Variants in UTRN observed in about 807,000 individuals in gnomAD.
UTRN encodes the protein dystrophin-related protein 1.
In UTRN, 283 loss-of-function variants were observed where a neutral mutation model predicts 463.9. The observed-to-expected ratio is 0.61, with a 90% CI of 0.55 to 0.67. The LOEUF (loss-of-function observed/expected upper bound fraction) is 0.67. Among genes scored for constraint, UTRN ranks in the 30% least tolerant of loss-of-function variants. UTRN has a pLI of 0.00. For synonymous variants in UTRN, 1,442 were observed against 1,431.5 expected (o/e 1.01, Z -0.17); for missense variants, 3,922 against 4,084.3 (o/e 0.96, Z 1.08).
chr6:144,774,974 T>C (rs999441064), intron 60 of UTRN, among the ~76,000 whole-genome samples: 1 of 152,236 alleles, frequency 6.6e-6, no homozygotes, highest in Non-Finnish European at 1.5e-5. Flanking sequence ...ATACTTAGCA[T>C]ATAGATTTAT....
Position 144,448,706 on chromosome 6 carries a change from A to G in UTRN, c.2009A>G (p.Glu670Gly). 6.2e-7 allele frequency: 1 copy of G among 1,614,074 alleles called. No individual in the cohort carries two copies. Among genetic ancestry groups the G allele is most frequent in the Non-Finnish European group, 8.5e-7 (1 of 1,179,980 alleles). ...GCAATTACAAAAAAATCTAAGCAGG[A>G]ACTGCCTCCTCCTCCTCCCCCAAAG... ...EQAITKKSKQ[E>G]LPPPPPPKKR... The change falls in exon 17 of 75, where the codon GAA becomes GGA. Residue 670 changes from glutamate to glycine, a missense_variant. Around this residue, in one of 3 missense-constraint regions of UTRN, gnomAD observed 2,349 missense variants for 2,303.8 expected, o/e 1.02. Coordinates refer to ENST00000367545, the MANE Select transcript of UTRN (RefSeq NM_007124.3).
intron 58 of UTRN, 83 bp downstream of exon 58, chr6:144,758,072 T>A: frequency 8.2e-7 from 1 of 1,223,728 alleles, no homozygotes; most frequent in Non-Finnish European, 1.2e-6. Flanking sequence ...CCCCATAACT[T>A]TTAAAAATAG....
chr6:144,310,483 C>A lies in UTRN; in HGVS notation c.79+18576C>A, dbSNP rs868272392. Reference sequence around the variant, plus strand: ...CCTGGGAGGCGGAGGTTGCAGTGAGCTGAGATGAGCCATTGCACTCCAGCC... The same window carrying A: ...CCTGGGAGGCGGAGGTTGCAGTGAGATGAGATGAGCCATTGCACTCCAGCC... On this transcript the variant is annotated intron_variant, in intron 2 of 74. Coordinates refer to ENST00000367545, the MANE Select transcript of UTRN (RefSeq NM_007124.3). Among the ~76,000 whole-genome samples the A allele has an allele frequency of 2.0e-5, 3 of 149,232 alleles. No individual in the cohort carries two copies. In the Middle Eastern group the frequency reaches 0.011, roughly 525 times the overall value.
chr6:144,333,026 C>T (rs556477828), intron 2 of UTRN, among the ~76,000 whole-genome samples: 7 of 151,918 alleles, frequency 4.6e-5, no homozygotes, highest in Admixed American at 2.6e-4. Flanking sequence ...CTCCACTTCC[C>T]GGATTCCAGC....
intron 56 of UTRN, 134 bp from the exon 57 acceptor site, chr6:144,754,586 T>G: frequency 2.2e-6 from 1 of 450,832 alleles, no homozygotes; most frequent in Non-Finnish European, 3.6e-6. Context: ...AGAGAAGGGG[T>G]CCAAGGGGTC....
chr6:144,793,730 A>T, intron 62 of UTRN, 104 bp from the exon 63 acceptor site: 1 of 1,419,488 alleles, frequency 7.0e-7, no homozygotes, highest in Non-Finnish European at 9.4e-7. Context: ...TGTCCTTCTG[A>T]AATTTTTTTA....
At chr6:144,299,349 C>G (rs1805031229) in intron 2 of UTRN, among the ~76,000 whole-genome samples, 1 of 152,132 alleles carries the variant, frequency 6.6e-6, no homozygotes, top group Non-Finnish European at 1.5e-5. Context: ...TTTAGAGGAG[C>G]AAGGAAAGCT....
Position 144,792,923 on chromosome 6 carries a change from A to C in UTRN, c.8921-911A>C, listed in dbSNP as rs11963656. 3.0e-3 allele frequency among the ~76,000 whole-genome samples: 453 copies of C among 152,296 alleles called. 1 individual carries two copies. The highest frequency in any genetic ancestry group is 0.01 in the African/African-American group (428 of 41,594). ...GAAGAGTTTTAATTTTACTGAATTA[A>C]GAAAATTATAAAACAAATCAGTTTT... On this transcript the variant is annotated intron_variant, in intron 62 of 74. Transcript: ENST00000367545.
At chr6:144,803,297 A>C (rs1468639747) in intron 65 of UTRN, 150 bp downstream of exon 65, 1 of 432,396 alleles carries the variant, frequency 2.3e-6, no homozygotes, top group African/African-American at 2.0e-5. Context: ...ATTTATGTTG[A>C]ATTAATTAGT....
In UTRN at chr6:144,285,714, C is replaced by G. The variant is rs570434282; in HGVS notation, c.-200C>G. On this transcript the variant is annotated 5_prime_UTR_variant, in exon 1 of 75. Coordinates refer to ENST00000367545, the MANE Select transcript of UTRN (RefSeq NM_007124.3). ...AATACATCGCACCACCAAACTAACA[C>G]TCGCACACACCCCCGCGGTTACTCC... is the stretch of plus-strand genomic sequence containing the variant. 6.6e-6 allele frequency: 1 copy of G among 152,200 alleles called. No individual in the cohort carries two copies. Among genetic ancestry groups the G allele is most frequent in the South Asian group, 2.1e-4 (1 of 4,808 alleles). 9.4% of individuals were successfully genotyped at this position (152,200 alleles called of 1,614,324 possible).
At chr6:144,812,729 G>A (rs1380399497) in intron 65 of UTRN, among the ~76,000 whole-genome samples, 10 of 152,046 alleles carry the variant, frequency 6.6e-5, no homozygotes, top group South Asian at 2.1e-4. Context: ...ATTTGATTTC[G>A]CCTTAAAAGT....
At chr6:144,452,412 A>G (rs1031428028) in intron 18 of UTRN, among the ~76,000 whole-genome samples, 1 of 152,188 alleles carries the variant, frequency 6.6e-6, no homozygotes, top group Non-Finnish European at 1.5e-5. Flanking sequence ...TGATTGTGTT[A>G]TGATGGATAC....
At chr6:144,545,889 G>A (rs1308771180) in intron 46 of UTRN, among the ~76,000 whole-genome samples, 2 of 152,038 alleles carry the variant, frequency 1.3e-5, no homozygotes, top group Non-Finnish European at 2.9e-5. Context: ...GCGTGGTGGC[G>A]GGCGCCTGTA....
chr6:144,462,211 T>C (rs1339241598), intron 22 of UTRN, among the ~76,000 whole-genome samples: 2 of 152,196 alleles, frequency 1.3e-5, no homozygotes, highest in Admixed American at 1.3e-4. Context: ...GGCTTCCAGC[T>C]CCATCCATAT....
intron 39 of UTRN, among the ~76,000 whole-genome samples, chr6:144,521,546 G>A (rs941507541): frequency 1.4e-4 from 21 of 152,022 alleles, no homozygotes; most frequent in Non-Finnish European, 2.6e-4. Context: ...TGTTTAACTT[G>A]CTTATATTTT....
Position 144,520,896 on chromosome 6 carries a change from G to A in UTRN, c.5542-1084G>A, listed in dbSNP as rs575557231. Among the ~76,000 whole-genome samples, 9 of 152,264 alleles carry A rather than the reference G, an allele frequency of 5.9e-5. No individual in the cohort carries two copies. In the East Asian group the frequency reaches 7.7e-4, roughly 13 times the overall value. On this transcript the variant is annotated intron_variant, in intron 39 of 74. Coordinates refer to ENST00000367545, the MANE Select transcript of UTRN (RefSeq NM_007124.3). The stretch of plus-strand genomic sequence containing the variant: ...TTTGGCCCTTTGCAAGTGGTAATAC[G>A]TAGCACTTATTAAATTGTGGCCATC...
rs775032831 is a variant in UTRN, at chr6:144,761,122, AT to A, written c.8495+3136del. On this transcript the variant is annotated intron_variant, in intron 58 of 74. Transcript: ENST00000367545. ...GAGTCTATATAGTATAAACCCCTCT[AT>A]TTGTTGATATCTTAAGTTAAAACTA... Among the ~76,000 whole-genome samples the A allele has an allele frequency of 2.6e-5, 4 of 152,266 alleles. No homozygotes were observed. In the East Asian group the frequency reaches 7.7e-4, roughly 29 times the overall value.
chr6:144,418,871 A>G (rs1190450572), intron 3 of UTRN, among the ~76,000 whole-genome samples: 1 of 151,966 alleles, frequency 6.6e-6, no homozygotes, highest in East Asian at 1.9e-4. Flanking sequence ...ATATTATACT[A>G]TTTTTTGGAA....
At chr6:144,532,745 G>A (rs2128602602) in intron 42 of UTRN, among the ~76,000 whole-genome samples, 1 of 152,284 alleles carries the variant, frequency 6.6e-6, no homozygotes, top group South Asian at 2.1e-4. Flanking sequence ...GCACTTGCTT[G>A]AAAGAAGATG....
Sources: allele counts gnomAD v4.1 joint callset (sites outside exome capture counted in the v4.1 genomes callset), GRCh38; gene constraint gnomAD v4.1.1; regional missense constraint gnomAD v4.1.1; transcripts MANE v1.5; gene names NCBI Gene and HGNC (gene_info 2026-07-23, HGNC 2026-07-21).